The following IFT140 variants were observed in gnomAD, a reference collection of about 807,000 sequenced individuals.
IFT140 encodes the protein intraflagellar transport 140.
Under a neutral mutation model 164.6 loss-of-function variants are expected in IFT140, and 133 were observed. That is an observed-to-expected ratio of 0.81 (90% CI 0.70 to 0.93). IFT140 has a LOEUF of 0.93. IFT140 is among the 40% of genes least tolerant of loss of function. IFT140 has a pLI of 0.00. For missense variants in IFT140, 2,045 were observed against 1,972.3 expected, an observed-to-expected ratio of 1.04 and a Z score of -0.70; for synonymous variants, 860 against 817.3, an observed-to-expected ratio of 1.05 and a Z score of -0.89.
At position 1,551,801 on chromosome 16, in the gene IFT140, C is replaced by T. The variant is rs1002157287; in HGVS notation, c.2399+6134G>A. Among the ~76,000 whole-genome samples the T allele has an allele frequency of 1.3e-5, 2 of 152,308 alleles. No homozygotes were observed. Among genetic ancestry groups the T allele is most frequent in the East Asian group, 1.9e-4 (1 of 5,180 alleles). ...GGCAGATCCGGCAAGATCAACTCTG[C>T]GGGACCTCCCACCCGGGCTGGTTGC... On this transcript the variant is annotated intron_variant, in intron 19 of 30. Coordinates refer to ENST00000426508, the MANE Select transcript of IFT140 (RefSeq NM_014714.4). This position sits in a 1 kb window ranked among gnomAD's most constrained non-coding sequence, Gnocchi z 4.0.
chr16:1,554,825 C>A, intron 19 of IFT140: 1 of 1,614,194 alleles, frequency 6.2e-7, no homozygotes, highest in Non-Finnish European at 8.5e-7. Context: ...ACAGAATTGG[C>A]CCATACACCA....
chr16:1,558,029 C>T lies in IFT140; in HGVS notation c.2305G>A (p.Asp769Asn), dbSNP rs150004786. 8.7e-6 allele frequency: 14 copies of T among 1,613,874 alleles called. No individual in the cohort carries two copies. The highest frequency in any genetic ancestry group is 1.7e-5 in the Admixed American group (1 of 59,996). The change falls in exon 19 of 31, where the codon GAC becomes AAC. Residue 769 changes from aspartate (D) to asparagine (N), a missense_variant. Physicochemically the swap from Asp to Asn is conservative, Grantham distance 23 (BLOSUM62 1). Transcript: ENST00000426508. ...AGCATGGCGTCCCGGGTGGCCTTGT[C>T]GCAGTCCTCCAGCCCCACAAAGTCT... ...LRDFVGLEDC[D>N]KATRDAMLHF...
At chr16:1,582,931 G>A (rs2034652696) in intron 12 of IFT140, among the ~76,000 whole-genome samples, 1 of 152,232 alleles carries the variant, frequency 6.6e-6, no homozygotes, top group Admixed American at 6.5e-5. Flanking sequence ...TGGGGACCTA[G>A]AAGGGTGTTT....
intron 19 of IFT140, among the ~76,000 whole-genome samples, chr16:1,557,363 A>G (rs2033154926): frequency 6.6e-6 from 1 of 152,212 alleles, no homozygotes; most frequent in Admixed American, 6.5e-5. Flanking sequence ...CACCTGTGTG[A>G]CAGGCATTAT....
chr16:1,545,652 G>A (rs1348469796), intron 19 of IFT140, among the ~76,000 whole-genome samples: 1 of 152,242 alleles, frequency 6.6e-6, no homozygotes, highest in African/African-American at 2.4e-5. Context: ...CTCGGCAGAG[G>A]TGGGGTGGGC....
At chr16:1,539,962 A>G (rs1236072254) in intron 19 of IFT140, among the ~76,000 whole-genome samples, 1 of 152,174 alleles carries the variant, frequency 6.6e-6, no homozygotes, top group Non-Finnish European at 1.5e-5. Context: ...CGGAGCGGGC[A>G]CAGTGGAAAA....
At chr16:1,534,169 G>C in intron 19 of IFT140, 1 of 1,445,228 alleles carries the variant, frequency 6.9e-7, no homozygotes, top group Admixed American at 2.3e-5. Flanking sequence ...CCGAGGATGA[G>C]TGGTGATGTC....
intron 19 of IFT140, among the ~76,000 whole-genome samples, chr16:1,544,184 A>ATTTTTTTT (rs1237730678): frequency 8.7e-6 from 1 of 115,158 alleles, no homozygotes; most frequent in Non-Finnish European, 1.8e-5. Flanking sequence ...CGCCCCACTA[A>ATTTTTTTT]TTTTTTTTTT....
Position 1,522,787 on chromosome 16 carries a change from G to A in IFT140, c.3453+731C>T, listed in dbSNP as rs997402119. On this transcript the variant is annotated intron_variant, in intron 26 of 30. Transcript: ENST00000426508. ...CAGGAAGTGGAGCTTGCAGTGAGCC[G>A]AGATTGCGCCACTGCACTCCAGCCT... Among the ~76,000 whole-genome samples the A allele has an allele frequency of 2.6e-5, 4 of 152,104 alleles. No homozygotes were observed. In the East Asian group the frequency reaches 7.7e-4, roughly 29 times the overall value.
chr16:1,591,118 A>G (rs756691251), intron 6 of IFT140, among the ~76,000 whole-genome samples: 2 of 152,308 alleles, frequency 1.3e-5, no homozygotes. Flanking sequence ...CACAAAGCCT[A>G]CAGCTCCCGG....
At chr16:1,592,866 G>A (rs1306839991) in intron 4 of IFT140, among the ~76,000 whole-genome samples, 2 of 151,956 alleles carry the variant, frequency 1.3e-5, no homozygotes, top group Non-Finnish European at 1.5e-5. Context: ...CGGAGGGACA[G>A]GTGTCCTGGC....
intron 17 of IFT140, among the ~76,000 whole-genome samples, chr16:1,563,673 G>A (rs185009285): frequency 2.8e-4 from 43 of 152,228 alleles, no homozygotes; most frequent in Admixed American, 2.4e-3. Context: ...GTGGCATCGA[G>A]GTTACAGTGA....
chr16:1,559,907 C>T lies in IFT140; in HGVS notation c.2200-1773G>A, dbSNP rs187074656. Among the ~76,000 whole-genome samples, 33 of 152,340 alleles carry T rather than the reference C, an allele frequency of 2.2e-4. No individual in the cohort carries two copies. The East Asian group carries it at 5.4e-3, about 25-fold the overall frequency. On this transcript the variant is annotated intron_variant, in intron 18 of 30. Transcript: ENST00000426508. ...TCTGTACTTACGACTGCGTCATACA[C>T]GCCTGCTCTCTGGAACAACAACTAT... is the stretch of plus-strand genomic sequence containing the variant.
At position 1,602,589 on chromosome 16, in the gene IFT140, C is replaced by T; in HGVS notation, c.150G>A (p.Gly50=). Residue 50 remains glycine, a splice_region_variant and synonymous_variant, in exon 4 of 31, where the codon GGG becomes GGA. Transcript: ENST00000426508. ...CGACGTGTGTATCTGGCACGCACTC[C>T]CCCTGCATTGGATGAGAGGCAAATT... ...TGSVDIYLEQ[G]ECVPDTHVER... The T allele has an allele frequency of 6.2e-7, 1 of 1,610,696 alleles. No individual in the cohort carries two copies. Among genetic ancestry groups the T allele is most frequent in the African/African-American group, 1.3e-5 (1 of 75,022 alleles).
At chr16:1,513,830 C>T (rs749759181) in intron 30 of IFT140, among the ~76,000 whole-genome samples, 4 of 149,220 alleles carry the variant, frequency 2.7e-5, no homozygotes, top group Non-Finnish European at 4.4e-5. Context: ...CCCACCACCA[C>T]ACCCGGCTAA....
intron 17 of IFT140, among the ~76,000 whole-genome samples, chr16:1,562,818 G>A (rs1193247071): frequency 6.6e-6 from 1 of 151,978 alleles, no homozygotes; most frequent in East Asian, 1.9e-4. Context: ...CACCAACAAA[G>A]AGCCCCGACC....
At chr16:1,546,053 C>T (rs1172599156) in intron 19 of IFT140, among the ~76,000 whole-genome samples, 1 of 152,256 alleles carries the variant, frequency 6.6e-6, no homozygotes, top group African/African-American at 2.4e-5. Context: ...TCCTCGTGGC[C>T]TCTTTTCTCT....
In IFT140 at chr16:1,586,200, C is replaced by T; in HGVS notation, c.1085G>A (p.Gly362Glu). ...RKVPDFLGSP[G>E]AEGKDRWALQ... ...GGCCCACCTGTCCTTGCCCTCTGCC[C>T]CGGGGCTGCCCAGGAAGTCTGGTAC... Residue 362 changes from glycine to glutamate, a missense_variant, in exon 10 of 31, where the codon GGG becomes GAG. Transcript: ENST00000426508. 1 of 1,614,038 alleles carries T rather than the reference C, an allele frequency of 6.2e-7. No homozygotes were observed. Among genetic ancestry groups the T allele is most frequent in the Non-Finnish European group, 8.5e-7 (1 of 1,180,012 alleles).
At chr16:1,589,878 C>G (rs1020964513) in intron 6 of IFT140, 98 bp from the exon 7 acceptor site, 248 of 1,100,926 alleles carry the variant, frequency 2.3e-4, no homozygotes, top group Non-Finnish European at 3.1e-4. Context: ...AGGACATTTT[C>G]AAAGCAAAGC....
Sources: gnomAD v4.1 joint callset for allele counts (sites outside exome capture counted in the v4.1 genomes callset) on GRCh38, gnomAD v4.1.1 for gene constraint, Gnocchi (gnomAD v3.1) non-coding constraint, MANE v1.5 for transcripts, NCBI Gene and HGNC (gene_info 2026-07-23, HGNC 2026-07-21) for gene names.